CAMTA1: variants seen among roughly 807,000 people sequenced by gnomAD.
The protein encoded by CAMTA1 is calmodulin binding transcription activator 1, also known as calmodulin-binding transcription activator 1.
In CAMTA1, 27 loss-of-function variants were observed where a neutral mutation model predicts 170.9. The ratio of observed to expected loss-of-function variants is 0.16; its 90% CI spans 0.12 to 0.22. The LOEUF (loss-of-function observed/expected upper bound fraction) is 0.22, where lower values mean the gene tolerates loss of function less well. Among genes scored for constraint, CAMTA1 ranks in the 10% least tolerant of loss-of-function variants. CAMTA1 has a pLI of 1.00. For missense variants in CAMTA1, 1,619 were observed against 2,217.2 expected (o/e 0.73, Z 5.42); for synonymous variants, 833 against 891.5 (o/e 0.93, Z 1.17).
chr1:7,575,505 C>T (rs1220257737), intron 6 of CAMTA1, among the ~76,000 whole-genome samples: 3 of 152,214 alleles, frequency 2.0e-5, no homozygotes, highest in South Asian at 2.1e-4. Flanking sequence ...TGTGTACAGC[C>T]CTGAGGCAGG....
chr1:7,447,401 G>C (rs1000271267), intron 5 of CAMTA1, among the ~76,000 whole-genome samples: 2 of 140,922 alleles, frequency 1.4e-5, no homozygotes, highest in African/African-American at 5.3e-5. Context: ...CCTGCCTTTG[G>C]CCTGAAGGGC....
chr1:6,868,961 TACTA>T (rs1364523901), intron 3 of CAMTA1, among the ~76,000 whole-genome samples: 1 of 152,206 alleles, frequency 6.6e-6, no homozygotes, highest in Non-Finnish European at 1.5e-5. Flanking sequence ...CTAATTCACT[TACTA>T]GTTACAAAGA....
rs74051021 is a variant in CAMTA1 at position 6,869,997 on chromosome 1, G to T, written c.234+44787G>T. Reference sequence around the variant, plus strand: ...CTGCATCATCTTGATGTCAAGAAGAGATTGTTATTTAATACATACATGTTT... The same window carrying T: ...CTGCATCATCTTGATGTCAAGAAGATATTGTTATTTAATACATACATGTTT... On this transcript the variant is annotated intron_variant, in intron 3 of 22. Transcript: ENST00000303635. Among the ~76,000 whole-genome samples, 393 of 152,292 alleles carry T rather than the reference G, an allele frequency of 2.6e-3. 1 individual carries two copies. The highest frequency in any genetic ancestry group is 9.1e-3 in the African/African-American group (380 of 41,560).
At chr1:7,710,007 C>A (rs933124184) in intron 11 of CAMTA1, among the ~76,000 whole-genome samples, 2 of 152,154 alleles carry the variant, frequency 1.3e-5, no homozygotes, top group Non-Finnish European at 2.9e-5. Flanking sequence ...TCTTTCAATT[C>A]AGCTATTCTG....
intron 3 of CAMTA1, among the ~76,000 whole-genome samples, chr1:6,959,577 G>A (rs1321058331): frequency 6.6e-6 from 1 of 152,198 alleles, no homozygotes; most frequent in Non-Finnish European, 1.5e-5. Context: ...CCTCATCACG[G>A]AGATGAGGCA....
intron 11 of CAMTA1, among the ~76,000 whole-genome samples, chr1:7,711,654 T>C (rs189757529): frequency 1.3e-5 from 2 of 152,340 alleles, no homozygotes; most frequent in African/African-American, 4.8e-5. Flanking sequence ...TTCCAGAAAG[T>C]ATGGTTCAAT....
At chr1:7,579,742 T>C (rs2095242648) in intron 6 of CAMTA1, among the ~76,000 whole-genome samples, 1 of 151,932 alleles carries the variant, frequency 6.6e-6, no homozygotes, top group East Asian at 1.9e-4. Flanking sequence ...GTATTTTCAG[T>C]AGAGACGGGG....
intron 4 of CAMTA1, among the ~76,000 whole-genome samples, chr1:7,236,292 C>T (rs544419874): frequency 1.9e-4 from 29 of 152,254 alleles, no homozygotes; most frequent in African/African-American, 6.7e-4. Context: ...TGGGTTTGTG[C>T]GAGGGAGAGA....
chr1:7,262,932 C>T (rs1668383583), intron 5 of CAMTA1, among the ~76,000 whole-genome samples: 1 of 152,192 alleles, frequency 6.6e-6, no homozygotes, highest in Admixed American at 6.5e-5. Context: ...TGCCAGCAGC[C>T]TCCTTCCAGG....
intron 6 of CAMTA1, among the ~76,000 whole-genome samples, chr1:7,492,648 CACACAA>C (rs1229150281): frequency 3.0e-5 from 4 of 132,686 alleles, no homozygotes; most frequent in African/African-American, 6.5e-5. Flanking sequence ...CACATACAAT[CACACAA>C]ACACAAACAT....
chr1:6,877,485 G>A (rs1670252894), intron 3 of CAMTA1, among the ~76,000 whole-genome samples: 1 of 152,142 alleles, frequency 6.6e-6, no homozygotes, highest in South Asian at 2.1e-4. Flanking sequence ...GGAAAAGTCG[G>A]CAACGCTATT....
At chr1:6,839,229 T>C (rs1214344424) in intron 3 of CAMTA1, among the ~76,000 whole-genome samples, 1 of 151,368 alleles carries the variant, frequency 6.6e-6, no homozygotes, top group Non-Finnish European at 1.5e-5. Flanking sequence ...AAAAATACAA[T>C]AAATTAGCTG....
chr1:6,906,868 T>C (rs1439832398), intron 3 of CAMTA1, among the ~76,000 whole-genome samples: 2 of 152,230 alleles, frequency 1.3e-5, no homozygotes, highest in African/African-American at 2.4e-5. Flanking sequence ...AATCAAAATA[T>C]GTATTTTAGC....
At chr1:7,710,949 CTCAT>C (rs755953256) in intron 11 of CAMTA1, among the ~76,000 whole-genome samples, 6 of 152,288 alleles carry the variant, frequency 3.9e-5, no homozygotes, top group Non-Finnish European at 7.3e-5. Flanking sequence ...ACATGGTCCT[CTCAT>C]TCATAAGGCC....
chr1:7,139,484 C>G (rs1296139070), intron 4 of CAMTA1, among the ~76,000 whole-genome samples: 1 of 151,730 alleles, frequency 6.6e-6, no homozygotes, highest in Non-Finnish European at 1.5e-5. Context: ...CTCCTTTTTC[C>G]AGGGGCATGT....
chr1:7,272,712 A>AAAAAAAAAAAAAAAAAAG (rs1670017608), intron 5 of CAMTA1, among the ~76,000 whole-genome samples: 31 of 109,922 alleles, frequency 2.8e-4, no homozygotes, highest in East Asian at 5.4e-4. Flanking sequence ...AAAAAAAAAA[A>AAAAAAAAAAAAAAAAAAG]AAAAGAAAAG....
chr1:6,799,773 GTCTC>G (rs777644715), intron 1 of CAMTA1, among the ~76,000 whole-genome samples: 11 of 151,500 alleles, frequency 7.3e-5, no homozygotes, highest in African/African-American at 1.2e-4. Flanking sequence ...TGTGAATGTG[GTCTC>G]TCTCTCTCTC....
At chr1:7,473,735 C>T (rs1365076431) in intron 6 of CAMTA1, among the ~76,000 whole-genome samples, 1 of 152,250 alleles carries the variant, frequency 6.6e-6, no homozygotes, top group Non-Finnish European at 1.5e-5. Context: ...AGAGAGTAGG[C>T]CGTGAGCCCT....
At chr1:7,530,417 C>G (rs1043395419) in intron 6 of CAMTA1, among the ~76,000 whole-genome samples, 1 of 152,164 alleles carries the variant, frequency 6.6e-6, no homozygotes, top group Non-Finnish European at 1.5e-5. Context: ...GCACTCTGGT[C>G]GGTCCCTAGC....
Sources: allele counts gnomAD v4.1 joint callset (sites outside exome capture counted in the v4.1 genomes callset), GRCh38; gene constraint gnomAD v4.1.1; transcripts MANE v1.5; gene names NCBI Gene and HGNC (gene_info 2026-07-23, HGNC 2026-07-21).